The following ADCYAP1R1 variants were observed in gnomAD, a reference collection of about 807,000 sequenced individuals.
ADCYAP1R1 encodes pituitary adenylate cyclase-activating polypeptide type I receptor.
Under a neutral mutation model 67.6 loss-of-function variants are expected in ADCYAP1R1, and 44 were observed. That is an observed-to-expected ratio of 0.65 (90% CI 0.51 to 0.84). The LOEUF (loss-of-function observed/expected upper bound fraction) is 0.84. Ranked by LOEUF, ADCYAP1R1 falls within the 40% of genes least tolerant of loss-of-function variation. The pLI, the probability that ADCYAP1R1 is intolerant of heterozygous loss-of-function variation, is 0.00. For missense variants in ADCYAP1R1, 477 were observed against 587.9 expected, an observed-to-expected ratio of 0.81 and a Z score of 1.95; for synonymous variants, 222 against 219.6, an observed-to-expected ratio of 1.01 and a Z score of -0.10.
chr7:31,084,079 A>G (rs752122769), intron 6 of ADCYAP1R1, 62 bp from the exon 7 acceptor site: 4 of 1,444,736 alleles, frequency 2.8e-6, no homozygotes, highest in Non-Finnish European at 3.9e-6. Context: ...TAATTTTTGC[A>G]TAAGAATTTC....
In ADCYAP1R1 at chr7:31,103,261, G is replaced by C; in HGVS notation, c.1071G>C (p.Leu357=). Residue 357 remains leucine (L), a synonymous_variant, in exon 14 of 16, where the codon CTG becomes CTC. Coordinates refer to ENST00000304166, the MANE Select transcript of ADCYAP1R1 (RefSeq NM_001118.5). ...GGCGACTGGCCCGGTCCACCCTGCT[G>C]CTCATCCCACTATTCGGAATCCACT... ...IYLRLARSTL[L]LIPLFGIHYT... is the part of the protein sequence containing the mutation. The C allele has an allele frequency of 1.2e-6, 2 of 1,614,108 alleles. No individual in the cohort carries two copies. The highest frequency in any genetic ancestry group is 1.7e-6 in the Non-Finnish European group (2 of 1,180,000).
rs1796750251 is a variant in ADCYAP1R1, at chr7:31,108,927, A to G, written c.*2243A>G. 6.6e-6 allele frequency: 1 copy of G among 152,248 alleles called. No individual in the cohort carries two copies. The highest frequency in any genetic ancestry group is 1.5e-5 in the Non-Finnish European group (1 of 68,056). The allele number at this position is 152,248 out of a possible 1,614,324, so 9.4% of individuals were successfully genotyped here. A position where few individuals can be genotyped will look rare whatever the true frequency, so the allele number is the denominator to read the frequency against. On this transcript the variant is annotated 3_prime_UTR_variant, in exon 16 of 16. Coordinates refer to ENST00000304166, the MANE Select transcript of ADCYAP1R1 (RefSeq NM_001118.5). ...TGAACAGGTGCCTTGGGCATGATGT[A>G]TAGATGCAGTCATATATACCTTGCT...
At chr7:31,099,536 C>T (rs1202346364) in intron 13 of ADCYAP1R1, among the ~76,000 whole-genome samples, 2 of 152,190 alleles carry the variant, frequency 1.3e-5, no homozygotes, top group Non-Finnish European at 2.9e-5. Context: ...CCTCTGTCCC[C>T]TATGTATGTG....
chr7:31,097,494 T>C (rs1405207783), intron 13 of ADCYAP1R1, among the ~76,000 whole-genome samples: 2 of 152,190 alleles, frequency 1.3e-5, no homozygotes, highest in East Asian at 1.9e-4. Context: ...GCCTTTTCTT[T>C]AGACCCATCT....
intron 15 of ADCYAP1R1, among the ~76,000 whole-genome samples, chr7:31,105,625 C>A (rs1796610739): frequency 6.6e-6 from 1 of 152,208 alleles, no homozygotes; most frequent in African/African-American, 2.4e-5. Flanking sequence ...AGCTGCATCA[C>A]CTTGGCAGGC....
At position 31,108,830 on chromosome 7, in the gene ADCYAP1R1, C is replaced by T. The variant is rs1271616289; in HGVS notation, c.*2146C>T. 6.6e-6 allele frequency: 1 copy of T among 151,486 alleles called. No individual in the cohort carries two copies. Among genetic ancestry groups the T allele is most frequent in the Admixed American group, 6.6e-5 (1 of 15,180 alleles). 9.4% of individuals were successfully genotyped at this position (151,486 alleles called of 1,614,324 possible). On this transcript the variant is annotated 3_prime_UTR_variant, in exon 16 of 16. Coordinates refer to ENST00000304166, the MANE Select transcript of ADCYAP1R1 (RefSeq NM_001118.5). ...TATTTTCCCTTTCTTGGAAATGGAC[C>T]TTCTGTCCCTTCCATTTGGACACCA...
At chr7:31,080,818 C>T (rs994850086) in intron 5 of ADCYAP1R1, among the ~76,000 whole-genome samples, 185 bp downstream of exon 5, 2 of 152,072 alleles carry the variant, frequency 1.3e-5, no homozygotes, top group South Asian at 2.1e-4. Flanking sequence ...TTCTGGAGGT[C>T]GGGGGGCACA....
At chr7:31,085,262 A>T (rs1227235928) in intron 8 of ADCYAP1R1, 48 bp from the exon 9 acceptor site, 1 of 1,587,892 alleles carries the variant, frequency 6.3e-7, no homozygotes, top group Admixed American at 1.7e-5. Flanking sequence ...GAGGGTGTGA[A>T]ATGCTGTGGG....
chr7:31,103,111 G>A, intron 13 of ADCYAP1R1, 126 bp from the exon 14 acceptor site: 1 of 1,327,042 alleles, frequency 7.5e-7, no homozygotes, highest in Non-Finnish European at 1.0e-6. Flanking sequence ...AATGCTGAGG[G>A]GTCTGTGGAC....
At chr7:31,085,204 C>A (rs1216077593) in intron 8 of ADCYAP1R1, 106 bp from the exon 9 acceptor site, 2 of 1,464,480 alleles carry the variant, frequency 1.4e-6, no homozygotes, top group Admixed American at 2.0e-5. Context: ...GGGTGGGAGA[C>A]CTGCTGAGAT....
At chr7:31,066,600 GCTTCTTAA>G (rs1214978860) in intron 3 of ADCYAP1R1, among the ~76,000 whole-genome samples, 6 of 152,198 alleles carry the variant, frequency 3.9e-5, no homozygotes, top group Non-Finnish European at 5.9e-5. Flanking sequence ...CTGGATCCTT[GCTTCTTAA>G]ACCTGGCTGC....
rs561935457 is a variant in ADCYAP1R1, at chr7:31,055,575, G to A, written c.-72+2897G>A. ...AATTTGAATTTCATACATTTTGCCT[G>A]TGTCGTGAAATATGATTCTTTTAAT... On this transcript the variant is annotated intron_variant, in intron 1 of 15. Transcript: ENST00000304166. 6.6e-5 allele frequency among the ~76,000 whole-genome samples: 10 copies of A among 152,284 alleles called. No individual in the cohort carries two copies. In the South Asian group the frequency reaches 1.5e-3, roughly 22 times the overall value.
At chr7:31,100,843 A>G (rs1297597907) in intron 13 of ADCYAP1R1, among the ~76,000 whole-genome samples, 1 of 152,210 alleles carries the variant, frequency 6.6e-6, no homozygotes, top group African/African-American at 2.4e-5. Flanking sequence ...GATTTATTCA[A>G]TTTGGACATC....
At chr7:31,056,222 T>C (rs1470340536) in intron 1 of ADCYAP1R1, among the ~76,000 whole-genome samples, 1 of 152,028 alleles carries the variant, frequency 6.6e-6, no homozygotes, top group African/African-American at 2.4e-5. Context: ...AAAGGGCGGG[T>C]GCTGCCTGAG....
At chr7:31,091,323 T>C (rs1369389596) in intron 12 of ADCYAP1R1, among the ~76,000 whole-genome samples, 3 of 152,268 alleles carry the variant, frequency 2.0e-5, no homozygotes. Flanking sequence ...TAGACCTTTG[T>C]TGGATGCATA....
At position 31,081,734 on chromosome 7, in the gene ADCYAP1R1, G is replaced by C. The variant is rs776758464; in HGVS notation, c.308G>C (p.Ser103Thr). ...TCAGGAGAGTCTGATTTTGGTGACA[G>C]TAACTCCTTAGATCTCTCAGGTAAG... Reference protein sequence around the residue: ...ETIGESDFGDSNSLDLSDMGV... With the variant: ...ETIGESDFGDTNSLDLSDMGV... Residue 103 changes from serine (S) to threonine (T), a missense_variant, in exon 6 of 16, where the codon AGT becomes ACT. Ser to Thr is a moderately conservative substitution (Grantham distance 58). Coordinates refer to ENST00000304166, the MANE Select transcript of ADCYAP1R1 (RefSeq NM_001118.5). 1.3e-6 allele frequency: 2 copies of C among 1,597,820 alleles called. No individual in the cohort carries two copies. The highest frequency in any genetic ancestry group is 2.7e-5 in the African/African-American group (2 of 74,616).
At chr7:31,090,083 C>T (rs1795903037) in intron 12 of ADCYAP1R1, among the ~76,000 whole-genome samples, 1 of 151,998 alleles carries the variant, frequency 6.6e-6, no homozygotes, top group Non-Finnish European at 1.5e-5. Context: ...ATGTAAATTA[C>T]ATCTTTGTTA....
At chr7:31,074,940 G>C (rs138078545) in intron 3 of ADCYAP1R1, among the ~76,000 whole-genome samples, 1 of 152,196 alleles carries the variant, frequency 6.6e-6, no homozygotes, top group Non-Finnish European at 1.5e-5. Context: ...GACTGGGTGC[G>C]AACTCCAAAA....
intron 3 of ADCYAP1R1, 103 bp from the exon 4 acceptor site, chr7:31,077,870 TTGCTGTGTGTGGTGTCTG>T (rs1477431495): frequency 1.2e-5 from 7 of 586,378 alleles, no homozygotes; most frequent in Admixed American, 3.4e-5. Flanking sequence ...AGCATGTATG[TTGCTGTGTGTGGTGTCTG>T]TGGTGTGTGT....
Sources: gnomAD v4.1 joint callset for allele counts (sites outside exome capture counted in the v4.1 genomes callset) on GRCh38, gnomAD v4.1.1 for gene constraint, MANE v1.5 for transcripts, NCBI Gene and HGNC (gene_info 2026-07-23, HGNC 2026-07-21) for gene names.